The following UNC80 variants were observed in gnomAD, a reference collection of about 807,000 sequenced individuals.
The protein encoded by UNC80 is protein unc-80 homolog.
A neutral mutation model predicts 384.6 loss-of-function variants in UNC80; 164 were observed. The observed-to-expected ratio is 0.43, with a 90% CI of 0.38 to 0.49. The LOEUF (loss-of-function observed/expected upper bound fraction) is 0.49, where lower values mean the gene tolerates loss of function less well. Ranked by LOEUF, UNC80 falls within the 20% of genes least tolerant of loss-of-function variation. The pLI is 0.00. For synonymous variants in UNC80, 1,486 were observed against 1,527.8 expected (o/e 0.97, Z 0.64); for missense variants, 3,330 against 4,143.0 (o/e 0.80, Z 5.39).
rs1439063604 is a variant in UNC80 at position 209,982,301 on chromosome 2, A to C, written c.9241A>C (p.Met3081Leu). 2 of 1,551,238 alleles carry C rather than the reference A, an allele frequency of 1.3e-6. No homozygotes were observed. Among genetic ancestry groups the C allele is most frequent in the Non-Finnish European group, 1.7e-6 (2 of 1,146,844 alleles). ...SMSVPQAEVG[M>L]LPSQSEPNVL... ...GTCTGTACCTCAGGCTGAGGTGGGC[A>C]TGCTACCCAGCCAGAGGTAAACAGC... Residue 3081 changes from methionine (M) to leucine (L), a missense_variant, in exon 60 of 65, where the codon ATG becomes CTG. Coordinates refer to ENST00000673920, the MANE Select transcript of UNC80 (RefSeq NM_001371986.1).
chr2:209,838,920 T>G (rs1216608376), intron 18 of UNC80, among the ~76,000 whole-genome samples: 5 of 152,128 alleles, frequency 3.3e-5, no homozygotes, highest in Non-Finnish European at 7.4e-5. Flanking sequence ...TGTAAGTGCT[T>G]CTGGTATTAT....
intron 7 of UNC80, among the ~76,000 whole-genome samples, chr2:209,807,493 T>G (rs2078977857): frequency 6.6e-6 from 1 of 151,756 alleles, no homozygotes. Context: ...GCCTCCCAAG[T>G]AGCTGGGACT....
Position 209,872,051 on chromosome 2 carries a change from G to A in UNC80, c.3628-707G>A, listed in dbSNP as rs1166009861. ...GGAGTCTCACTCTGTCTCCCAGGCT[G>A]GAGTGCAGTGGCGCGATCTCAGCTA... is the stretch of plus-strand genomic sequence containing the variant. On this transcript the variant is annotated intron_variant, in intron 22 of 64. Transcript: ENST00000673920. The surrounding 1 kb of genome is among the most constrained non-coding windows in gnomAD (Gnocchi z 4.1). Among the ~76,000 whole-genome samples the A allele has an allele frequency of 6.6e-6, 1 of 151,728 alleles. No homozygotes were observed. The highest frequency in any genetic ancestry group is 2.4e-5 in the African/African-American group (1 of 41,304).
chr2:209,928,955 C>T (rs1483423089), intron 36 of UNC80, among the ~76,000 whole-genome samples: 1 of 152,126 alleles, frequency 6.6e-6, no homozygotes, highest in Non-Finnish European at 1.5e-5. Flanking sequence ...TGGCTTATTT[C>T]ACATGTAAAG....
At chr2:209,814,299 G>A (rs1442143176) in intron 8 of UNC80, among the ~76,000 whole-genome samples, 8 of 151,718 alleles carry the variant, frequency 5.3e-5, no homozygotes, top group African/African-American at 1.9e-4. Context: ...GCAGTGGCAC[G>A]ATCTTGGCTC....
intron 36 of UNC80, among the ~76,000 whole-genome samples, chr2:209,927,750 A>G (rs1010966880): frequency 6.6e-6 from 1 of 152,182 alleles, no homozygotes; most frequent in African/African-American, 2.4e-5. Context: ...AAAACCTTAA[A>G]AGTGTGAAAA....
At chr2:209,930,932 CT>C in intron 37 of UNC80, 35 bp from the exon 38 acceptor site, 1 of 1,425,280 alleles carries the variant, frequency 7.0e-7, no homozygotes, top group Non-Finnish European at 9.6e-7. Context: ...AGCATGGCAG[CT>C]GAAGGAAACA....
At chr2:209,837,881 C>G (rs1162625431) in intron 18 of UNC80, among the ~76,000 whole-genome samples, 2 of 151,894 alleles carry the variant, frequency 1.3e-5, no homozygotes, top group Non-Finnish European at 2.9e-5. Flanking sequence ...ACACCATTCT[C>G]CTGCCTCAGC....
intron 29 of UNC80, among the ~76,000 whole-genome samples, chr2:209,912,014 C>T (rs1391880710): frequency 1.3e-5 from 2 of 152,180 alleles, no homozygotes; most frequent in Non-Finnish European, 2.9e-5. Flanking sequence ...ATAATGGATA[C>T]TATGAACTCA....
At chr2:209,968,963 A>G (rs2092808231) in intron 52 of UNC80, 1 of 152,234 alleles carries the variant, frequency 6.6e-6, no homozygotes, top group African/African-American at 2.4e-5. Flanking sequence ...TATTACCTTC[A>G]GTGTCGGAGA....
chr2:209,987,177 G>C (rs1253277697), intron 61 of UNC80, among the ~76,000 whole-genome samples: 1 of 152,172 alleles, frequency 6.6e-6, no homozygotes, highest in Non-Finnish European at 1.5e-5. Flanking sequence ...CCTTTTGAAA[G>C]GACATTTGTT....
At chr2:209,809,297 A>T in intron 7 of UNC80, 1 of 757,048 alleles carries the variant, frequency 1.3e-6, no homozygotes, top group Admixed American at 1.8e-5. Context: ...GCCCTCAAGA[A>T]ACACATCCGA....
intron 23 of UNC80, among the ~76,000 whole-genome samples, chr2:209,873,926 G>A (rs2084533330): frequency 6.6e-6 from 1 of 151,788 alleles, no homozygotes; most frequent in South Asian, 2.1e-4. Context: ...GCTGTTCTTT[G>A]GATTTTCTTT....
chr2:209,961,103 G>T (rs2092576596), intron 51 of UNC80: 1 of 152,148 alleles, frequency 6.6e-6, no homozygotes, highest in Admixed American at 6.6e-5. Flanking sequence ...GAGGGAGAGA[G>T]AGAGAGAGAG....
intron 15 of UNC80, among the ~76,000 whole-genome samples, chr2:209,830,083 T>G (rs1216794975): frequency 2.0e-5 from 3 of 152,180 alleles, no homozygotes; most frequent in African/African-American, 7.2e-5. Flanking sequence ...GAAGCCTGAG[T>G]TGAATAAAAT....
At chr2:209,900,257 C>T (rs2087244614) in intron 28 of UNC80, among the ~76,000 whole-genome samples, 1 of 151,922 alleles carries the variant, frequency 6.6e-6, no homozygotes, top group Non-Finnish European at 1.5e-5. Flanking sequence ...TTGTGGCAAC[C>T]CTGCATTGAG....
chr2:209,907,648 GAC>G (rs767690801), intron 29 of UNC80, among the ~76,000 whole-genome samples: 9 of 152,240 alleles, frequency 5.9e-5, no homozygotes, highest in Non-Finnish European at 1.2e-4. Flanking sequence ...CTCGAGACCA[GAC>G]CATGTGGGAC....
intron 50 of UNC80, 69 bp from the exon 51 acceptor site, chr2:209,959,420 T>C: frequency 7.0e-7 from 1 of 1,423,578 alleles, no homozygotes; most frequent in Non-Finnish European, 9.7e-7. Context: ...TTCAGTGTGA[T>C]ACCCTCTTCT....
At chr2:209,832,527 C>A (rs757296920) in intron 16 of UNC80, among the ~76,000 whole-genome samples, 1 of 152,104 alleles carries the variant, frequency 6.6e-6, no homozygotes, top group African/African-American at 2.4e-5. Context: ...CTAATGTACT[C>A]AAATCAAGGA....
Sources: gnomAD v4.1 joint callset for allele counts (sites outside exome capture counted in the v4.1 genomes callset) on GRCh38, gnomAD v4.1.1 for gene constraint, Gnocchi (gnomAD v3.1) non-coding constraint, MANE v1.5 for transcripts, NCBI Gene and HGNC (gene_info 2026-07-23, HGNC 2026-07-21) for gene names.